The following DGKB variants were observed in gnomAD, a reference collection of about 807,000 sequenced individuals.
The protein encoded by DGKB is diacylglycerol kinase beta, also known as 90 kDa diacylglycerol kinase.
DGKB carries 67 observed loss-of-function variants against 114.3 expected under a neutral mutation model. The ratio of observed to expected loss-of-function variants is 0.59; its 90% CI spans 0.48 to 0.72. The LOEUF (loss-of-function observed/expected upper bound fraction) is 0.72, where lower values mean the gene tolerates loss of function less well. Ranked by LOEUF, DGKB falls within the 30% of genes least tolerant of loss-of-function variation. The probability of loss-of-function intolerance (pLI) is 0.00; values close to 1 mark genes in which losing one functional copy is unlikely to be tolerated. For missense variants in DGKB, 907 were observed against 975.2 expected (o/e 0.93, Z 0.93); for synonymous variants, 398 against 323.1 (o/e 1.23, Z -2.49).
chr7:14,463,805 G>T (rs1414429053), intron 21 of DGKB, among the ~76,000 whole-genome samples: 4 of 152,062 alleles, frequency 2.6e-5, no homozygotes, highest in African/African-American at 9.7e-5. Flanking sequence ...GATTGTGTGT[G>T]GATTAAATAA....
chr7:14,926,106 G>C (rs971106474), intron 1 of DGKB, among the ~76,000 whole-genome samples: 12 of 151,914 alleles, frequency 7.9e-5, no homozygotes, highest in South Asian at 2.1e-4. Context: ...ATCATGAATA[G>C]ATTTTTTTCA....
chr7:14,767,156 A>C (rs1433594691), intron 2 of DGKB, among the ~76,000 whole-genome samples: 1 of 151,746 alleles, frequency 6.6e-6, no homozygotes, highest in East Asian at 1.9e-4. Flanking sequence ...AAAGAGAAAA[A>C]AAACAGCATT....
At chr7:14,509,357 T>C (rs1479308349) in intron 20 of DGKB, among the ~76,000 whole-genome samples, 1 of 152,054 alleles carries the variant, frequency 6.6e-6, no homozygotes, top group East Asian at 1.9e-4. Context: ...TTCATGTCTT[T>C]ATGCCCGGAG....
chr7:14,392,995 G>GTTTTGTTGTTTTTTTTTTTTTTTTTT (rs1554404749), intron 21 of DGKB, among the ~76,000 whole-genome samples: 15 of 60,548 alleles, frequency 2.5e-4, no homozygotes, highest in African/African-American at 6.3e-4. Flanking sequence ...TTTTGTTTTT[G>GTTTTGTTGTTTTTTTTTTTTTTTTTT]TTTTTTTTTT....
intron 23 of DGKB, among the ~76,000 whole-genome samples, chr7:14,253,488 C>T (rs780260015): frequency 2.0e-5 from 3 of 152,108 alleles, no homozygotes; most frequent in Admixed American, 6.5e-5. Context: ...TCTAACAATT[C>T]GTTAAGGGCC....
intron 25 of DGKB, among the ~76,000 whole-genome samples, chr7:14,172,885 A>G (rs185238647): frequency 2.2e-4 from 33 of 152,188 alleles, no homozygotes; most frequent in Admixed American, 2.0e-3. Flanking sequence ...TCTTCTTCCC[A>G]TTATAAGAAC....
At chr7:14,472,179 C>T (rs537146594) in intron 21 of DGKB, among the ~76,000 whole-genome samples, 5 of 152,268 alleles carry the variant, frequency 3.3e-5, no homozygotes, top group African/African-American at 7.2e-5. Flanking sequence ...CCACCTGATA[C>T]GGTTTGGCTG....
intron 23 of DGKB, among the ~76,000 whole-genome samples, chr7:14,242,644 A>G (rs1379324876): frequency 6.6e-6 from 1 of 151,984 alleles, no homozygotes; most frequent in African/African-American, 2.4e-5. Context: ...CTGAAGGGAG[A>G]AAAAGTTATT....
At chr7:14,485,334 T>A (rs1052757605) in intron 20 of DGKB, among the ~76,000 whole-genome samples, 2 of 146,082 alleles carry the variant, frequency 1.4e-5, no homozygotes, top group Non-Finnish European at 3.0e-5. Context: ...TGTGTGTGTG[T>A]GATTCGACAG....
chr7:14,206,278 A>AAATT (rs1404284653), intron 23 of DGKB, among the ~76,000 whole-genome samples: 10 of 152,010 alleles, frequency 6.6e-5, no homozygotes, highest in Admixed American at 3.3e-4. Flanking sequence ...GTAGGAAGAA[A>AAATT]AATTAACCAA....
chr7:14,550,729 TCATGAA>T (rs1285664213), intron 20 of DGKB, among the ~76,000 whole-genome samples: 1 of 152,158 alleles, frequency 6.6e-6, no homozygotes. Context: ...ACAATGATTG[TCATGAA>T]CATGATGACG....
chr7:14,539,066 T>C (rs1421075288), intron 20 of DGKB, among the ~76,000 whole-genome samples: 2 of 152,138 alleles, frequency 1.3e-5, no homozygotes, highest in Admixed American at 1.3e-4. Context: ...AATTACAAAA[T>C]TGAGCACTAT....
intron 25 of DGKB, among the ~76,000 whole-genome samples, chr7:14,149,729 C>CT (rs1197893999): frequency 2.6e-5 from 4 of 152,040 alleles, no homozygotes; most frequent in African/African-American, 9.6e-5. Context: ...ACATGAACTG[C>CT]AAGGCTTAAT....
intron 2 of DGKB, among the ~76,000 whole-genome samples, chr7:14,835,724 G>C (rs567488064): frequency 6.6e-6 from 1 of 152,066 alleles, no homozygotes; most frequent in African/African-American, 2.4e-5. Context: ...CCGAGATATC[G>C]TATTATCTGA....
rs926064391 is a variant in DGKB at position 14,677,046 on chromosome 7, T to C, written c.1036-4019A>G. On this transcript the variant is annotated intron_variant, in intron 12 of 25. Transcript: ENST00000402815. ...CTTTTCCTGGAAGTGAATTAAACAC[T>C]TGGAAATAATTTCAGAGTTTATGAC... Among the ~76,000 whole-genome samples, 4 of 152,086 alleles carry C rather than the reference T, an allele frequency of 2.6e-5. No individual in the cohort carries two copies. The East Asian group carries it at 7.7e-4, about 29-fold the overall frequency.
At chr7:14,635,586 A>G (rs1256629083) in intron 13 of DGKB, among the ~76,000 whole-genome samples, 1 of 151,652 alleles carries the variant, frequency 6.6e-6, no homozygotes, top group African/African-American at 2.4e-5. Context: ...AACACATTTC[A>G]AAATGAAACA....
intron 13 of DGKB, among the ~76,000 whole-genome samples, chr7:14,652,396 G>T (rs1814743370): frequency 6.6e-6 from 1 of 151,572 alleles, no homozygotes; most frequent in Non-Finnish European, 1.5e-5. Context: ...ACAAGCAATG[G>T]GGAAAGGATT....
At chr7:14,894,985 A>T (rs1781881343) in intron 1 of DGKB, among the ~76,000 whole-genome samples, 2 of 151,616 alleles carry the variant, frequency 1.3e-5, no homozygotes, top group Admixed American at 1.3e-4. Flanking sequence ...TAGTGATCAG[A>T]ATTCTCATGA....
At chr7:14,848,096 C>T (rs941485871) in intron 1 of DGKB, among the ~76,000 whole-genome samples, 5 of 152,064 alleles carry the variant, frequency 3.3e-5, no homozygotes, top group Non-Finnish European at 7.4e-5. Flanking sequence ...TTAAGAAGTC[C>T]ACTTTAATCA....
Sources: gnomAD v4.1 joint callset for allele counts (sites outside exome capture counted in the v4.1 genomes callset) on GRCh38, gnomAD v4.1.1 for gene constraint, MANE v1.5 for transcripts, NCBI Gene and HGNC (gene_info 2026-07-23, HGNC 2026-07-21) for gene names.